Variants in MAP2K6 observed in about 807,000 individuals in gnomAD.
The protein encoded by MAP2K6 is mitogen-activated protein kinase kinase 6, also known as dual specificity mitogen-activated protein kinase kinase 6.
A neutral mutation model predicts 53.7 loss-of-function variants in MAP2K6; 16 were observed. The ratio of observed to expected loss-of-function variants is 0.30; its 90% CI spans 0.20 to 0.45. The LOEUF (loss-of-function observed/expected upper bound fraction) is 0.45, where lower values mean the gene tolerates loss of function less well. Ranked by LOEUF, MAP2K6 falls within the 20% of genes least tolerant of loss-of-function variation. MAP2K6 has a pLI of 1.00. For missense variants in MAP2K6, 204 were observed against 411.9 expected, an observed-to-expected ratio of 0.50 and a Z score of 4.37; for synonymous variants, 132 against 143.1, an observed-to-expected ratio of 0.92 and a Z score of 0.55.
intron 1 of MAP2K6, among the ~76,000 whole-genome samples, chr17:69,426,841 A>G (rs1316776622): frequency 6.6e-6 from 1 of 152,072 alleles, no homozygotes; most frequent in African/African-American, 2.4e-5. Context: ...AAGTATCTGA[A>G]GCTTAAGAGA....
At chr17:69,432,241 A>C (rs1393593763) in intron 1 of MAP2K6, among the ~76,000 whole-genome samples, 1 of 152,206 alleles carries the variant, frequency 6.6e-6, no homozygotes, top group African/African-American at 2.4e-5. Flanking sequence ...CATACTATTG[A>C]TCATGAAGAA....
Position 69,548,558 on chromosome 17 carries a change from G to T in MAP2K6, c.*6805G>T, listed in dbSNP as rs1305158177. On this transcript the variant is annotated 3_prime_UTR_variant, in exon 12 of 12. Coordinates refer to ENST00000590474, the MANE Select transcript of MAP2K6 (RefSeq NM_002758.4). Reference sequence around the variant, plus strand: ...TACATTATGCTTAGAATGATACTTGGAAACTCCTTAACAGGGCATATTGAA... The same window carrying T: ...TACATTATGCTTAGAATGATACTTGTAAACTCCTTAACAGGGCATATTGAA... 1.3e-5 allele frequency: 2 copies of T among 152,066 alleles called. No homozygotes were observed. The highest frequency in any genetic ancestry group is 4.8e-5 in the African/African-American group (2 of 41,400). 9.4% of individuals were successfully genotyped at this position (152,066 alleles called of 1,614,324 possible). A position where few individuals can be genotyped will look rare whatever the true frequency, so the allele number is the denominator to read the frequency against.
rs144194541 is a variant in MAP2K6 at position 69,423,264 on chromosome 17, A to G, written c.16+8264A>G. Among the ~76,000 whole-genome samples, 65 of 152,316 alleles carry G rather than the reference A, an allele frequency of 4.3e-4. 1 individual carries two copies. The East Asian group carries it at 9.1e-3, about 21-fold the overall frequency. ...AATGATTGAAAAAAAATCAAAATCA[A>G]TGTTTCATGACACATGAAAATGATA... On this transcript the variant is annotated intron_variant, in intron 1 of 11. Transcript: ENST00000590474.
At chr17:69,513,560 C>G (rs182163375) in intron 2 of MAP2K6, among the ~76,000 whole-genome samples, 1 of 152,174 alleles carries the variant, frequency 6.6e-6, no homozygotes, top group African/African-American at 2.4e-5. Flanking sequence ...GGTCAGCAAA[C>G]TTTTTTGTAA....
chr17:69,538,126 C>T (rs985911022), intron 11 of MAP2K6, among the ~76,000 whole-genome samples: 3 of 152,056 alleles, frequency 2.0e-5, no homozygotes, highest in Non-Finnish European at 4.4e-5. Flanking sequence ...GGCCTGGGCC[C>T]CCCAAGTAGC....
At chr17:69,533,164 A>G (rs1446927735) in intron 10 of MAP2K6, among the ~76,000 whole-genome samples, 4 of 152,092 alleles carry the variant, frequency 2.6e-5, no homozygotes, top group Non-Finnish European at 5.9e-5. Flanking sequence ...CCTGACCTCA[A>G]GTGAGCTCAA....
At chr17:69,459,163 G>T (rs1181649005) in intron 1 of MAP2K6, among the ~76,000 whole-genome samples, 1 of 151,982 alleles carries the variant, frequency 6.6e-6, no homozygotes, top group East Asian at 1.9e-4. Context: ...GGTTTACTGT[G>T]ATTTTTTTTA....
chr17:69,531,348 G>T (rs552455240), intron 10 of MAP2K6, among the ~76,000 whole-genome samples: 3 of 152,244 alleles, frequency 2.0e-5, no homozygotes, highest in South Asian at 2.1e-4. Context: ...AAAGCTACTA[G>T]GTATCATACA....
At chr17:69,507,360 G>A (rs2521349) in intron 2 of MAP2K6, among the ~76,000 whole-genome samples, 59,065 of 151,426 alleles carry the variant, frequency 0.39, 11,873 homozygotes, top group East Asian at 0.53. Context: ...GTGTGTGCAC[G>A]TGTAGCTCTA....
At chr17:69,484,460 C>G (rs73363645) in intron 1 of MAP2K6, among the ~76,000 whole-genome samples, 587 of 151,822 alleles carry the variant, frequency 3.9e-3, no homozygotes, top group African/African-American at 0.014. Flanking sequence ...AAATTGGAAC[C>G]CTTTACATTG....
At chr17:69,510,567 A>G (rs781758405) in intron 2 of MAP2K6, among the ~76,000 whole-genome samples, 3 of 152,016 alleles carry the variant, frequency 2.0e-5, no homozygotes, top group African/African-American at 2.4e-5. Context: ...AAATTCTCCA[A>G]TGAAAGAAAA....
chr17:69,491,155 CT>C lies in MAP2K6; in HGVS notation c.17-14617del, dbSNP rs952614308. On this transcript the variant is annotated intron_variant, in intron 1 of 11. Transcript: ENST00000590474. ...TCCTTTCTTCCTTCCCTCCTTCCTT[CT>C]TTTTTTTGACGGAGTCTCACTCTAT... Among the ~76,000 whole-genome samples, 28 of 150,992 alleles carry C rather than the reference CT, an allele frequency of 1.9e-4. No homozygotes were observed. The South Asian group carries it at 4.2e-3, about 23-fold the overall frequency.
chr17:69,532,907 T>C (rs1408692360), intron 10 of MAP2K6, among the ~76,000 whole-genome samples: 1 of 152,168 alleles, frequency 6.6e-6, no homozygotes, highest in Admixed American at 6.5e-5. Flanking sequence ...ATTTTCTTTA[T>C]ACAGAGTTAA....
chr17:69,436,437 A>G (rs920618197), intron 1 of MAP2K6, among the ~76,000 whole-genome samples: 2 of 152,234 alleles, frequency 1.3e-5, no homozygotes, highest in African/African-American at 4.8e-5. Flanking sequence ...AACCTTGGAA[A>G]GAATTTTAAG....
At chr17:69,515,536 C>G (rs1056908079) in intron 2 of MAP2K6, among the ~76,000 whole-genome samples, 1 of 152,340 alleles carries the variant, frequency 6.6e-6, no homozygotes, top group Non-Finnish European at 1.5e-5. Flanking sequence ...GTTGTGTGCA[C>G]AGCCAGAGCC....
chr17:69,539,510 T>G (rs899084196), intron 11 of MAP2K6, among the ~76,000 whole-genome samples: 6 of 152,204 alleles, frequency 3.9e-5, no homozygotes, highest in African/African-American at 1.4e-4. Flanking sequence ...AGTCACACTT[T>G]CCATTTGTCA....
chr17:69,498,999 G>A (rs900301361), intron 1 of MAP2K6, among the ~76,000 whole-genome samples: 2 of 152,138 alleles, frequency 1.3e-5, no homozygotes, highest in African/African-American at 4.8e-5. Flanking sequence ...CGTGTTAAGA[G>A]TGACTGAGCC....
intron 1 of MAP2K6, among the ~76,000 whole-genome samples, chr17:69,498,774 T>C (rs182742555): frequency 1.4e-4 from 22 of 152,174 alleles, no homozygotes; most frequent in Admixed American, 5.9e-4. Context: ...GGAGCTTTAA[T>C]TGCTGGGTTT....
chr17:69,541,710 G>A lies in MAP2K6; in HGVS notation c.962G>A (p.Gly321Glu). Residue 321 changes from glycine to glutamate, a missense_variant, in exon 12 of 12, where the codon GGA (glycine) becomes GAA (glutamate). This residue lies in a region of MAP2K6 where 47 missense variants were observed against 62.3 expected (regional missense o/e 0.75). Transcript: ENST00000590474. ...TTTTTCACCCTACATGAATCCAAAG[G>A]AACAGATGTGGCATCTTTTGTAAAA... ...HPFFTLHESK[G>E]TDVASFVKLI... 1 of 1,612,710 alleles carries A rather than the reference G, an allele frequency of 6.2e-7. No individual in the cohort carries two copies. The highest frequency in any genetic ancestry group is 1.1e-5 in the South Asian group (1 of 90,978).
Sources: allele counts gnomAD v4.1 joint callset (sites outside exome capture counted in the v4.1 genomes callset), GRCh38; gene constraint gnomAD v4.1.1; regional missense constraint gnomAD v4.1.1; transcripts MANE v1.5; gene names NCBI Gene and HGNC (gene_info 2026-07-23, HGNC 2026-07-21).